The following GCNT1 variants were observed in gnomAD, a reference collection of about 807,000 sequenced individuals.
GCNT1 encodes beta-1,3-galactosyl-O-glycosyl-glycoprotein beta-1,6-N-acetylglucosaminyltransferase.
GCNT1 carries 16 observed loss-of-function variants against 26.2 expected under a neutral mutation model. The ratio of observed to expected loss-of-function variants is 0.61; its 90% CI spans 0.41 to 0.93. The LOEUF (loss-of-function observed/expected upper bound fraction) is 0.93, where lower values mean the gene tolerates loss of function less well. GCNT1 is among the 40% of genes least tolerant of loss of function. The pLI, the probability that GCNT1 is intolerant of heterozygous loss-of-function variation, is 0.00. For synonymous variants in GCNT1, 183 were observed against 190.8 expected, an observed-to-expected ratio of 0.96 and a Z score of 0.34; for missense variants, 477 against 526.7, an observed-to-expected ratio of 0.91 and a Z score of 0.92.
rs556861996 is a variant in GCNT1 at position 76,445,234 on chromosome 9, A to G, written c.-290+2919A>G. Reference sequence around the variant, plus strand: ...CAAGTATAACATCAGAGGATGTTATACCTGGAATGAGGATCAGGTGCCCCA... The same window carrying G: ...CAAGTATAACATCAGAGGATGTTATGCCTGGAATGAGGATCAGGTGCCCCA... On this transcript the variant is annotated intron_variant, in intron 1 of 2. Coordinates refer to the GCNT1 transcript ENST00000442371. 2.0e-5 allele frequency among the ~76,000 whole-genome samples: 3 copies of G among 152,240 alleles called. No individual in the cohort carries two copies. In the East Asian group the frequency reaches 5.8e-4, roughly 29 times the overall value.
At chr9:76,437,913 A>G (rs917525660), upstream of GCNT1, among the ~76,000 whole-genome samples, 4 of 152,264 alleles carry the variant, frequency 2.6e-5, no homozygotes, top group Non-Finnish European at 5.9e-5. Flanking sequence ...CATGTCTTAA[A>G]GAGTAAATGA....
At chr9:76,423,119 C>T (rs1264516296) in intron 1 of GCNT1, among the ~76,000 whole-genome samples, 1 of 152,152 alleles carries the variant, frequency 6.6e-6, no homozygotes, top group Non-Finnish European at 1.5e-5. Flanking sequence ...AATATCTATA[C>T]TTTTCTAACT....
chr9:76,425,190 G>GA (rs897347238), intron 1 of GCNT1, among the ~76,000 whole-genome samples: 3 of 143,540 alleles, frequency 2.1e-5, no homozygotes, highest in Admixed American at 7.0e-5. Context: ...AAGTTCACAT[G>GA]AAAAACGTCA....
At chr9:76,406,761 C>A in the GCNT1 span, among the ~76,000 whole-genome samples, 2 of 151,890 alleles carry the variant, frequency 1.3e-5, no homozygotes, top group African/African-American at 4.8e-5. Context: ...AGAGTTCTGG[C>A]CAGGCACAGT....
intron 2 of GCNT1, among the ~76,000 whole-genome samples, chr9:76,490,244 G>A (rs1489746205): frequency 6.6e-6 from 1 of 152,248 alleles, no homozygotes; most frequent in African/African-American, 2.4e-5. Context: ...TTTCTCAGCA[G>A]TGAGGAGGTC....
At chr9:76,472,921 G>C (rs889098891) in intron 2 of GCNT1, among the ~76,000 whole-genome samples, 1 of 151,834 alleles carries the variant, frequency 6.6e-6, no homozygotes. Flanking sequence ...GCTAATTTTT[G>C]TATTTTTAGA....
chr9:76,492,150 T>C (rs1417787938), intron 2 of GCNT1, among the ~76,000 whole-genome samples: 1 of 152,154 alleles, frequency 6.6e-6, no homozygotes, highest in Non-Finnish European at 1.5e-5. Flanking sequence ...AGAAGTTTTG[T>C]CCTGTGGGAA....
chr9:76,423,317 A>G (rs1055996427), intron 1 of GCNT1, among the ~76,000 whole-genome samples: 1 of 152,078 alleles, frequency 6.6e-6, no homozygotes, highest in African/African-American at 2.4e-5. Context: ...GAGAATTCCA[A>G]CGTCATGAAT....
intron 2 of GCNT1, among the ~76,000 whole-genome samples, chr9:76,479,726 ATTTG>A (rs902777118): frequency 1.1e-4 from 16 of 152,124 alleles, no homozygotes; most frequent in African/African-American, 3.6e-4. Flanking sequence ...TTGTTTGTAA[ATTTG>A]TTTGAGTTAG....
rs570796240 is a variant in GCNT1 at position 76,491,781 on chromosome 9, C to A, written c.-289-9135C>A. ...AGTCATGCTCAACTGGTTCCCCATC[C>A]TCTGGGAGAAAAGTGGCAGGGTTGA... On this transcript the variant is annotated intron_variant, in intron 2 of 3. Coordinates refer to ENST00000376730, the MANE Select transcript of GCNT1 (RefSeq NM_001490.5). Among the ~76,000 whole-genome samples, 168 of 152,302 alleles carry A rather than the reference C, an allele frequency of 1.1e-3. 1 individual carries two copies. The highest frequency in any genetic ancestry group is 3.8e-4 in the Non-Finnish European group (26 of 68,022).
intron 2 of GCNT1, among the ~76,000 whole-genome samples, chr9:76,496,355 G>C (rs1180757211): frequency 6.6e-6 from 1 of 152,210 alleles, no homozygotes; most frequent in African/African-American, 2.4e-5. Flanking sequence ...CGTGCAACCA[G>C]CACCAGTTCC....
chr9:76,503,828 G>A lies in GCNT1; in HGVS notation c.*160G>A. 4 of 636,628 alleles carry A rather than the reference G, an allele frequency of 6.3e-6. No individual in the cohort carries two copies. The highest frequency in any genetic ancestry group is 1.1e-5 in the Non-Finnish European group (4 of 351,486). 39.4% of individuals were successfully genotyped at this position (636,628 alleles called of 1,614,324 possible). On this transcript the variant is annotated 3_prime_UTR_variant, in exon 4 of 4. Transcript: ENST00000376730. The stretch of plus-strand genomic sequence containing the variant: ...AGAGAAGCTGCATGGTTTCTGCAGA[G>A]CACAGTTAGCTAGAAAGGTGATAGC...
At chr9:76,497,976 C>T (rs1824956852) in intron 2 of GCNT1, among the ~76,000 whole-genome samples, 1 of 141,808 alleles carries the variant, frequency 7.1e-6, no homozygotes, top group African/African-American at 2.4e-5. Context: ...TTGTACCTAC[C>T]AGCATTCATT....
intron 2 of GCNT1, among the ~76,000 whole-genome samples, chr9:76,477,640 A>G (rs1824284807): frequency 6.6e-6 from 1 of 152,212 alleles, no homozygotes; most frequent in Non-Finnish European, 1.5e-5. Context: ...ATCATAACAA[A>G]GAGACTGAAA....
chr9:76,421,878 G>A (rs2093837), intron 1 of GCNT1, among the ~76,000 whole-genome samples: 5 of 151,696 alleles, frequency 3.3e-5, no homozygotes, highest in African/African-American at 1.2e-4. Context: ...GTTTTTTGTA[G>A]AGCCAGGGTT....
intron 2 of GCNT1, among the ~76,000 whole-genome samples, chr9:76,494,422 A>G (rs571928109): frequency 1.6e-4 from 24 of 152,294 alleles, no homozygotes; most frequent in African/African-American, 4.3e-4. Context: ...GAGGGAGGGA[A>G]GGGATCTCCA....
chr9:76,405,331 T>C, the GCNT1 span, among the ~76,000 whole-genome samples: 10 of 151,032 alleles, frequency 6.6e-5, no homozygotes, highest in East Asian at 1.6e-3. Context: ...TTCCTCACTA[T>C]AGACATCCTG....
At chr9:76,446,525 A>G (rs1823580261) in intron 1 of GCNT1, among the ~76,000 whole-genome samples, 1 of 152,212 alleles carries the variant, frequency 6.6e-6, no homozygotes, top group South Asian at 2.1e-4. Context: ...AGACCTATCA[A>G]CTTTTTAAAT....
chr9:76,496,286 C>CAA (rs778330863), intron 2 of GCNT1, among the ~76,000 whole-genome samples: 5 of 152,250 alleles, frequency 3.3e-5, no homozygotes, highest in South Asian at 2.1e-4. Flanking sequence ...TTGAACAAAA[C>CAA]AAAAAACAAA....
Sources: gnomAD v4.1 joint callset for allele counts (sites outside exome capture counted in the v4.1 genomes callset) on GRCh38, gnomAD v4.1.1 for gene constraint, MANE v1.5 for transcripts, NCBI Gene and HGNC (gene_info 2026-07-23, HGNC 2026-07-21) for gene names.